KCNIP4: variants seen among roughly 807,000 people sequenced by gnomAD.
KCNIP4 encodes the protein Kv channel-interacting protein 4.
KCNIP4 carries 12 observed loss-of-function variants against 34.0 expected under a neutral mutation model. The ratio of observed to expected loss-of-function variants is 0.35; its 90% CI spans 0.23 to 0.57. The LOEUF (loss-of-function observed/expected upper bound fraction) is 0.57. Among genes scored for constraint, KCNIP4 ranks in the 20% least tolerant of loss-of-function variants. The probability of loss-of-function intolerance (pLI) is 0.83; values close to 1 mark genes in which losing one functional copy is unlikely to be tolerated. For synonymous variants in KCNIP4, 124 were observed against 102.2 expected (o/e 1.21, Z -1.29); for missense variants, 238 against 311.7 (o/e 0.76, Z 1.78).
chr4:20,963,447 A>T (rs187213014), intron 1 of KCNIP4, among the ~76,000 whole-genome samples: 108 of 151,370 alleles, frequency 7.1e-4, no homozygotes, highest in African/African-American at 1.9e-3. Context: ...CTTTTTTTTT[A>T]AAACTCAGGG....
intron 1 of KCNIP4, among the ~76,000 whole-genome samples, chr4:21,492,776 AT>A (rs1354607788): frequency 6.6e-6 from 1 of 152,198 alleles, no homozygotes; most frequent in African/African-American, 2.4e-5. Context: ...AAAGAGTCTC[AT>A]TTTAGTATCT....
At chr4:21,382,821 A>G (rs1206658957) in intron 1 of KCNIP4, among the ~76,000 whole-genome samples, 1 of 152,214 alleles carries the variant, frequency 6.6e-6, no homozygotes, top group East Asian at 1.9e-4. Flanking sequence ...TAAAACCTTA[A>G]AGATAAAATT....
At chr4:20,877,381 C>T (rs1724167229) in intron 2 of KCNIP4, among the ~76,000 whole-genome samples, 1 of 152,146 alleles carries the variant, frequency 6.6e-6, no homozygotes, top group African/African-American at 2.4e-5. Flanking sequence ...TTCAACTATC[C>T]CCTGTTGCCC....
At chr4:21,767,496 C>G (rs6448076) in intron 1 of KCNIP4, among the ~76,000 whole-genome samples, 13,957 of 151,896 alleles carry the variant, frequency 0.092, 674 homozygotes, top group Middle Eastern at 0.18. Context: ...AGAATGGTAA[C>G]GGCAGCTGGC....
chr4:20,905,509 C>CTTTTTTTTTTTTTT lies in KCNIP4; in HGVS notation c.62-22814_62-22801dup, dbSNP rs10686415. On this transcript the variant is annotated intron_variant, in intron 1 of 8. Coordinates refer to ENST00000382152, the MANE Select transcript of KCNIP4 (RefSeq NM_025221.6). ...ACACAGGTAGTTGAACGTTTTCTTT[C>CTTTTTTTTTTTTTT]TTTTTTTTTTTTTTTTGTTTGAGAT... 9.8e-3 allele frequency among the ~76,000 whole-genome samples: 715 copies of CTTTTTTTTTTTTTT among 72,698 alleles called. 61 individuals carry two copies. Among genetic ancestry groups the CTTTTTTTTTTTTTT allele is most frequent in the South Asian group, 0.017 (38 of 2,296 alleles). 47.7% of individuals were successfully genotyped at this position (72,698 alleles called of 152,430 possible). A position where few individuals can be genotyped will look rare whatever the true frequency, so the allele number is the denominator to read the frequency against.
chr4:20,811,538 A>G (rs1715769107), intron 3 of KCNIP4, among the ~76,000 whole-genome samples: 2 of 151,998 alleles, frequency 1.3e-5, no homozygotes, highest in South Asian at 4.1e-4. Flanking sequence ...CGTGCACGCC[A>G]GAGGGGAGAT....
chr4:21,697,592 A>T, intron 1 of KCNIP4: 3 of 1,371,636 alleles, frequency 2.2e-6, no homozygotes, highest in Non-Finnish European at 2.8e-6. Flanking sequence ...TTAGCGCCTC[A>T]ATCAGAAATT....
At chr4:21,608,563 G>T (rs1743899358) in intron 1 of KCNIP4, among the ~76,000 whole-genome samples, 1 of 152,110 alleles carries the variant, frequency 6.6e-6, no homozygotes, top group South Asian at 2.1e-4. Flanking sequence ...CTGTTTTTGA[G>T]AATCCATGTG....
intron 1 of KCNIP4, among the ~76,000 whole-genome samples, chr4:21,220,928 G>T (rs1757940352): frequency 6.6e-6 from 1 of 151,994 alleles, no homozygotes. Flanking sequence ...TTCTGGAAAA[G>T]CCAAGGTAGG....
chr4:21,475,841 C>G (rs1274026597), intron 1 of KCNIP4, among the ~76,000 whole-genome samples: 1 of 152,136 alleles, frequency 6.6e-6, no homozygotes, highest in Non-Finnish European at 1.5e-5. Context: ...GATGCAAAAT[C>G]TAGCTGGTAT....
chr4:21,577,606 G>T (rs776839347), intron 1 of KCNIP4, among the ~76,000 whole-genome samples: 1 of 150,050 alleles, frequency 6.7e-6, no homozygotes, highest in African/African-American at 2.5e-5. Flanking sequence ...ATTCCAGCCG[G>T]AATAACAAGA....
intron 1 of KCNIP4, among the ~76,000 whole-genome samples, chr4:21,382,968 T>C (rs1302813441): frequency 6.6e-6 from 1 of 152,152 alleles, no homozygotes; most frequent in Non-Finnish European, 1.5e-5. Context: ...TATGACTGCA[T>C]TTGGAGACAG....
rs150042470 is a variant in KCNIP4, at chr4:21,184,165, A to C, written c.62-301456T>G. Among the ~76,000 whole-genome samples the C allele has an allele frequency of 4.9e-3, 745 of 152,180 alleles. 3 individuals carry two copies. Among genetic ancestry groups the C allele is most frequent in the African/African-American group, 0.017 (711 of 41,554 alleles). On this transcript the variant is annotated intron_variant, in intron 1 of 8. Coordinates refer to ENST00000382152, the MANE Select transcript of KCNIP4 (RefSeq NM_025221.6). ...AAGTTACTTAATTTCCCTATGTTTC[A>C]ATTTTATCATTAATAAAATTGGGAT... is the stretch of plus-strand genomic sequence containing the variant.
chr4:20,884,728 G>A (rs1577313588), intron 1 of KCNIP4, among the ~76,000 whole-genome samples: 3 of 121,770 alleles, frequency 2.5e-5, no homozygotes, highest in Admixed American at 9.3e-5. Flanking sequence ...TTTTTTTCAA[G>A]ACAGAGTCTC....
intron 1 of KCNIP4, among the ~76,000 whole-genome samples, chr4:21,469,136 C>T (rs1348564825): frequency 3.9e-5 from 6 of 152,046 alleles, no homozygotes; most frequent in Non-Finnish European, 7.4e-5. Context: ...GCAATCGTGT[C>T]TCACTATAGC....
intron 1 of KCNIP4, among the ~76,000 whole-genome samples, chr4:21,657,841 A>T (rs865855003): frequency 0.019 from 2,692 of 145,324 alleles, 97 homozygotes; most frequent in African/African-American, 0.064. Context: ...TTTAAACATA[A>T]TTTTTTTTTT....
chr4:21,519,748 C>T (rs1432834840), intron 1 of KCNIP4, among the ~76,000 whole-genome samples: 7 of 114,696 alleles, frequency 6.1e-5, no homozygotes, highest in African/African-American at 2.2e-4. Context: ...ATGATACACA[C>T]GTGTGTGTAT....
chr4:21,296,064 T>C (rs924883025), intron 1 of KCNIP4, among the ~76,000 whole-genome samples: 26 of 152,250 alleles, frequency 1.7e-4, no homozygotes, highest in African/African-American at 5.8e-4. Flanking sequence ...TATGGCTGAA[T>C]CCCCACTGTC....
chr4:21,538,768 G>C (rs1479842645), intron 1 of KCNIP4, among the ~76,000 whole-genome samples: 1 of 152,192 alleles, frequency 6.6e-6, no homozygotes, highest in Non-Finnish European at 1.5e-5. Context: ...TCAAGGCTCT[G>C]TAATGCCGGT....
Sources: gnomAD v4.1 joint callset for allele counts (sites outside exome capture counted in the v4.1 genomes callset) on GRCh38, gnomAD v4.1.1 for gene constraint, MANE v1.5 for transcripts, NCBI Gene and HGNC (gene_info 2026-07-23, HGNC 2026-07-21) for gene names.